Variants in CDKN2B-AS1 observed in about 807,000 individuals in gnomAD.
CDKN2B-AS1 encodes CDKN2B antisense RNA 1 (non-protein coding).
At chr9:22,052,113 T>C (rs1374312008) in intron 3 of CDKN2B-AS1, among the ~76,000 whole-genome samples, 1 of 152,212 alleles carries the variant, frequency 6.6e-6, no homozygotes, top group Non-Finnish European at 1.5e-5. Flanking sequence ...AAGACCTTAA[T>C]TGAAAAACTT....
intron 1 of CDKN2B-AS1, among the ~76,000 whole-genome samples, chr9:22,023,658 G>T (rs1321730827): frequency 1.3e-5 from 2 of 152,118 alleles, no homozygotes; most frequent in African/African-American, 4.8e-5. Context: ...CAGGAGAATT[G>T]CTTGAACCTG....
At chr9:22,099,144 G>A (rs575365480) in intron 4 of CDKN2B-AS1, among the ~76,000 whole-genome samples, 2 of 152,286 alleles carry the variant, frequency 1.3e-5, no homozygotes, top group South Asian at 4.1e-4. Context: ...AGGGGGTCAA[G>A]TGTATTCCAG....
chr9:22,081,206 A>G (rs1824681290), intron 4 of CDKN2B-AS1, among the ~76,000 whole-genome samples: 1 of 149,740 alleles, frequency 6.7e-6, no homozygotes, highest in Non-Finnish European at 1.5e-5. Flanking sequence ...GTTTTTAATG[A>G]CTGTTTTTAT....
chr9:22,046,811 G>T (rs978612774), exon 2 of CDKN2B-AS1: 1 of 152,074 alleles, frequency 6.6e-6, no homozygotes, highest in African/African-American at 2.4e-5. Context: ...TCAAAGAAAA[G>T]ACTTCTGTTT....
intron 4 of CDKN2B-AS1, chr9:22,058,431 A>T (rs1208295936): frequency 6.6e-6 from 1 of 152,252 alleles, no homozygotes; most frequent in South Asian, 2.1e-4. Context: ...GACCTAACAC[A>T]GGACAAATGG....
At position 22,006,144 on chromosome 9, in the gene CDKN2B-AS1, G is replaced by A. The variant is rs745348156; in HGVS notation, n.29+10983G>A. On this transcript the variant is annotated intron_variant and non_coding_transcript_variant, in intron 1 of 4. Transcript: ENST00000650946. The surrounding 1 kb of genome is among the most constrained non-coding windows in gnomAD (Gnocchi z 6.4). ...CGTGTCCAGGAAGCCCTCCCGGGCAGCATCATGCACCGGTCGGGTGAGAGT... is the reference window on the plus strand; with the variant it reads ...CGTGTCCAGGAAGCCCTCCCGGGCAACATCATGCACCGGTCGGGTGAGAGT... 1 of 1,611,576 alleles carries A rather than the reference G, an allele frequency of 6.2e-7. No homozygotes were observed. Among genetic ancestry groups the A allele is most frequent in the East Asian group, 2.2e-5 (1 of 44,866 alleles).
At chr9:22,105,384 C>A (rs978559434) in intron 4 of CDKN2B-AS1, among the ~76,000 whole-genome samples, 1 of 152,184 alleles carries the variant, frequency 6.6e-6, no homozygotes, top group South Asian at 2.1e-4. Flanking sequence ...AGTTGTGCAG[C>A]ACTTGGGTGG....
chr9:22,032,903 A>C (rs560336717), intron 1 of CDKN2B-AS1: 2 of 151,870 alleles, frequency 1.3e-5, no homozygotes, highest in African/African-American at 4.8e-5. Context: ...CGTGAATATT[A>C]TTTCCTCATG....
At chr9:22,080,245 CT>C (rs1177119373) in intron 4 of CDKN2B-AS1, among the ~76,000 whole-genome samples, 3 of 152,240 alleles carry the variant, frequency 2.0e-5, no homozygotes, top group Non-Finnish European at 4.4e-5. Context: ...CAAGAACAGA[CT>C]TTCCCCTCCC....
chr9:22,100,471 G>A (rs1359829081), intron 4 of CDKN2B-AS1, among the ~76,000 whole-genome samples: 1 of 152,064 alleles, frequency 6.6e-6, no homozygotes, highest in East Asian at 1.9e-4. Flanking sequence ...TATAAATGTT[G>A]CAAATGTCAG....
chr9:22,062,357 A>T (rs559559014), intron 4 of CDKN2B-AS1, among the ~76,000 whole-genome samples: 1 of 152,376 alleles, frequency 6.6e-6, no homozygotes, highest in East Asian at 1.9e-4. Flanking sequence ...AAATCTTTAC[A>T]GCATACAGGT....
intron 1 of CDKN2B-AS1, among the ~76,000 whole-genome samples, chr9:22,002,299 G>A (rs1438459137): frequency 6.6e-6 from 1 of 151,944 alleles, no homozygotes; most frequent in African/African-American, 2.4e-5. Flanking sequence ...TTCAGATAAT[G>A]TCTCTAAGTT....
chr9:22,022,749 T>C (rs1822066159), intron 1 of CDKN2B-AS1, among the ~76,000 whole-genome samples: 1 of 152,264 alleles, frequency 6.6e-6, no homozygotes, highest in Non-Finnish European at 1.5e-5. Flanking sequence ...AGTGTGTTTT[T>C]ATAGTGACTG....
intron 4 of CDKN2B-AS1, among the ~76,000 whole-genome samples, chr9:22,057,593 G>C (rs1823625942): frequency 6.6e-6 from 1 of 152,030 alleles, no homozygotes; most frequent in Non-Finnish European, 1.5e-5. Flanking sequence ...CTGATTGCTT[G>C]AGCTCAGGAG....
At chr9:22,127,448 G>A (rs1031653335) in exon 5 of CDKN2B-AS1, among the ~76,000 whole-genome samples, 3 of 152,176 alleles carry the variant, frequency 2.0e-5, no homozygotes, top group African/African-American at 7.2e-5. Context: ...TTTGAGGATG[G>A]ATTATTCATT....
At chr9:22,013,484 C>T (rs1167734609) in intron 1 of CDKN2B-AS1, among the ~76,000 whole-genome samples, 2 of 151,992 alleles carry the variant, frequency 1.3e-5, no homozygotes, top group East Asian at 3.8e-4. Context: ...GTTTCATTCA[C>T]CTTGTCGACC....
chr9:22,016,766 T>A (rs1361557975), intron 1 of CDKN2B-AS1, among the ~76,000 whole-genome samples: 1 of 152,156 alleles, frequency 6.6e-6, no homozygotes, highest in African/African-American at 2.4e-5. Flanking sequence ...TGAAACTGGA[T>A]CCCTTCCTTA....
intron 4 of CDKN2B-AS1, among the ~76,000 whole-genome samples, chr9:22,109,682 C>T (rs750314385): frequency 2.0e-5 from 3 of 152,162 alleles, no homozygotes; most frequent in Non-Finnish European, 2.9e-5. Flanking sequence ...GAGATGTCAT[C>T]TGCCATTTAG....
chr9:22,080,095 C>T (rs1340229238), intron 4 of CDKN2B-AS1, among the ~76,000 whole-genome samples: 2 of 152,232 alleles, frequency 1.3e-5, no homozygotes, highest in Non-Finnish European at 2.9e-5. Flanking sequence ...GACTAAATCT[C>T]AGATGGTACT....
Sources: allele counts gnomAD v4.1 joint callset (sites outside exome capture counted in the v4.1 genomes callset), GRCh38; gene constraint gnomAD v4.1.1; non-coding constraint Gnocchi (gnomAD v3.1); transcripts MANE v1.5; gene names NCBI Gene and HGNC (gene_info 2026-07-23, HGNC 2026-07-21).